The following RPH3AL variants were observed in gnomAD, a reference collection of about 807,000 sequenced individuals.
RPH3AL encodes rabphilin 3A like (without C2 domains), also known as rab effector Noc2.
In RPH3AL, 38 loss-of-function variants were observed where a neutral mutation model predicts 43.1. The observed-to-expected ratio is 0.88, with a 90% CI of 0.68 to 1.15. The LOEUF is 1.15. RPH3AL is among the 50% of genes most tolerant of loss of function. The probability of loss-of-function intolerance (pLI) is 0.00; values close to 1 mark genes in which losing one functional copy is unlikely to be tolerated. For missense variants in RPH3AL, 462 were observed against 423.2 expected, an observed-to-expected ratio of 1.09 and a Z score of -0.81; for synonymous variants, 189 against 176.3, an observed-to-expected ratio of 1.07 and a Z score of -0.57.
chr17:242,715 T>C (rs1178492459), intron 7 of RPH3AL, among the ~76,000 whole-genome samples: 12 of 86,102 alleles, frequency 1.4e-4, no homozygotes, highest in South Asian at 6.1e-4. Context: ...ATTGATTACC[T>C]TCCTCTATTG....
At chr17:317,414 G>C (rs1309761689) in intron 5 of RPH3AL, among the ~76,000 whole-genome samples, 1 of 138,908 alleles carries the variant, frequency 7.2e-6, no homozygotes, top group Non-Finnish European at 1.5e-5. Flanking sequence ...TGTAGTCTCT[G>C]TGCTCCACAC....
At chr17:220,283 G>C (rs1282667785) in intron 7 of RPH3AL, among the ~76,000 whole-genome samples, 1 of 149,952 alleles carries the variant, frequency 6.7e-6, no homozygotes, top group Non-Finnish European at 1.5e-5. Flanking sequence ...CAACAGCTCT[G>C]AGGGCTCCAC....
rs975640511 is a variant in RPH3AL, at chr17:319,537, C to T, written c.234G>A (p.Glu78=). 6.2e-7 allele frequency: 1 copy of T among 1,611,320 alleles called. No individual in the cohort carries two copies. Among genetic ancestry groups the T allele is most frequent in the African/African-American group, 1.3e-5 (1 of 74,920 alleles). ...CATTCCGCCTCATGGTCTCCAGCCG[C>T]TCCACCAGCCGCCTGCAGCACAGGA... The part of the protein sequence containing the change: ...LEQQRIGRLV[E]RLETMRRNVM... Residue 78 remains glutamate, a synonymous_variant, in exon 5 of 10, where the codon GAG becomes GAA. Coordinates refer to ENST00000331302, the MANE Select transcript of RPH3AL (RefSeq NM_006987.4).
intron 5 of RPH3AL, among the ~76,000 whole-genome samples, chr17:315,715 C>CT (rs2044056540): frequency 2.7e-5 from 4 of 147,300 alleles, no homozygotes; most frequent in East Asian, 2.1e-4. Flanking sequence ...AGTCCTTGTG[C>CT]CCCACCTCTA....
intron 5 of RPH3AL, among the ~76,000 whole-genome samples, chr17:293,453 C>A (rs1031484483): frequency 1.3e-5 from 2 of 150,970 alleles, no homozygotes; most frequent in East Asian, 3.9e-4. Flanking sequence ...GAGATGAAGC[C>A]GCCAGGATGG....
At chr17:341,398 G>C (rs1198805719) in intron 1 of RPH3AL, 1 of 152,100 alleles carries the variant, frequency 6.6e-6, no homozygotes, top group African/African-American at 2.4e-5. Flanking sequence ...GAGACCATAC[G>C]ACGGAGAAAG....
intron 7 of RPH3AL, among the ~76,000 whole-genome samples, chr17:243,001 A>AATACCTTCCTCTATTG (rs2041609189): frequency 8.3e-6 from 1 of 119,962 alleles, no homozygotes; most frequent in African/African-American, 3.9e-5. Context: ...TCCTCTATTG[A>AATACCTTCCTCTATTG]ATACCTTCCT....
In RPH3AL at chr17:215,242, G is replaced by A. The variant is rs929191492; in HGVS notation, c.876+412C>T. On this transcript the variant is annotated intron_variant, in intron 9 of 9. Coordinates refer to ENST00000331302, the MANE Select transcript of RPH3AL (RefSeq NM_006987.4). This position sits in a 1 kb window ranked among gnomAD's most constrained non-coding sequence, Gnocchi z 4.1. The stretch of plus-strand genomic sequence containing the variant: ...GATGATCCTGGGCCAACCAGGGCTG[G>A]GCCCAGCAGGTGCAGGGCAGGGTGG... Among the ~76,000 whole-genome samples, 4 of 152,144 alleles carry A rather than the reference G, an allele frequency of 2.6e-5. No homozygotes were observed. Among genetic ancestry groups the A allele is most frequent in the Admixed American group, 6.5e-5 (1 of 15,284 alleles).
At chr17:297,297 A>G (rs1481789157) in intron 5 of RPH3AL, among the ~76,000 whole-genome samples, 1 of 152,224 alleles carries the variant, frequency 6.6e-6, no homozygotes. Flanking sequence ...GTCATAAACC[A>G]GTCAACATAA....
In RPH3AL at chr17:320,383, C is replaced by T. The variant is rs74470975; in HGVS notation, c.222-834G>A. 8.9e-3 allele frequency among the ~76,000 whole-genome samples: 1,349 copies of T among 152,204 alleles called. 15 individuals are homozygous for T. The highest frequency in any genetic ancestry group is 0.017 in the East Asian group (90 of 5,166). ...GGGCAGGGTGGCTCATGCCTGACATCCCAGCCCTTTGTGAGGCTGAGGCAG... is the reference window on the plus strand; with the variant it reads ...GGGCAGGGTGGCTCATGCCTGACATTCCAGCCCTTTGTGAGGCTGAGGCAG... On this transcript the variant is annotated intron_variant, in intron 4 of 9. Coordinates refer to ENST00000331302, the MANE Select transcript of RPH3AL (RefSeq NM_006987.4).
intron 7 of RPH3AL, among the ~76,000 whole-genome samples, chr17:244,411 G>A (rs1555538844): frequency 6.6e-6 from 1 of 151,998 alleles, no homozygotes; most frequent in African/African-American, 2.4e-5. Context: ...GTAGGGAGAG[G>A]GAGAGAGGGA....
intron 2 of RPH3AL, chr17:331,630 C>T: frequency 7.8e-7 from 1 of 1,288,266 alleles, no homozygotes; most frequent in Non-Finnish European, 1.0e-6. Context: ...TTCGATTCTC[C>T]AAACCTCGTC....
In RPH3AL at chr17:213,803, G is replaced by A; in HGVS notation, c.*49C>T. 1.3e-6 allele frequency: 2 copies of A among 1,487,456 alleles called. No individual in the cohort carries two copies. 92.1% of individuals were successfully genotyped at this position (1,487,456 alleles called of 1,614,324 possible). On this transcript the variant is annotated 3_prime_UTR_variant, in exon 10 of 10. Transcript: ENST00000331302. ...ACCGGTCAGGGAGGAGCCGGGCAGG[G>A]TCTGGCAGGAATCCTCCACAGGGAA...
intron 1 of RPH3AL, chr17:341,273 C>T (rs934100316): frequency 2.6e-5 from 4 of 152,126 alleles, no homozygotes; most frequent in Non-Finnish European, 5.9e-5. Flanking sequence ...AACACTCCCT[C>T]AGAGCAGGAT....
intron 5 of RPH3AL, among the ~76,000 whole-genome samples, chr17:300,773 G>A (rs57997616): frequency 2.5e-4 from 27 of 109,856 alleles, no homozygotes; most frequent in African/African-American, 8.2e-4. Context: ...TCTCTCACCC[G>A]CTCTAGCAGG....
intron 5 of RPH3AL, among the ~76,000 whole-genome samples, chr17:313,450 T>C (rs2043700014): frequency 6.6e-6 from 1 of 152,214 alleles, no homozygotes; most frequent in Non-Finnish European, 1.5e-5. Flanking sequence ...GCCCAGCTCG[T>C]TCCTGCCTCA....
rs555810048 is a variant in RPH3AL, at chr17:274,759, C to T, written c.438+7009G>A. Among the ~76,000 whole-genome samples the T allele has an allele frequency of 6.6e-6, 1 of 152,220 alleles. No homozygotes were observed. Among genetic ancestry groups the T allele is most frequent in the African/African-American group, 2.4e-5 (1 of 41,530 alleles). On this transcript the variant is annotated intron_variant, in intron 6 of 9. Coordinates refer to ENST00000331302, the MANE Select transcript of RPH3AL (RefSeq NM_006987.4). This position sits in a 1 kb window ranked among gnomAD's most constrained non-coding sequence, Gnocchi z 4.7. ...CAATCCTGGGTCTGCGGGGCTTAGG[C>T]TGCTGCAGAAGCGGGGAGGGGAAAA...
In RPH3AL at chr17:273,009, G is replaced by C. The variant is rs867744144; in HGVS notation, c.438+8759C>G. 1.4e-4 allele frequency among the ~76,000 whole-genome samples: 17 copies of C among 119,528 alleles called. 1 individual carries two copies. Among genetic ancestry groups the C allele is most frequent in the African/African-American group, 3.9e-4 (14 of 36,294 alleles). The allele number at this position is 119,528 out of a possible 152,430, so 78.4% of individuals were successfully genotyped here. On this transcript the variant is annotated intron_variant, in intron 6 of 9. Coordinates refer to ENST00000331302, the MANE Select transcript of RPH3AL (RefSeq NM_006987.4). ...CTACGTCAGGGTGAGACCCCAGCGAGGGCGACATCAGGAAGAGACCCCAGC... is the reference window on the plus strand; with the variant it reads ...CTACGTCAGGGTGAGACCCCAGCGACGGCGACATCAGGAAGAGACCCCAGC...
intron 2 of RPH3AL, among the ~76,000 whole-genome samples, chr17:330,214 C>A (rs1270092457): frequency 2.0e-5 from 3 of 152,234 alleles, no homozygotes; most frequent in Non-Finnish European, 4.4e-5. Context: ...GGTCGCTCTA[C>A]CCCATGCACA....
Sources: allele counts gnomAD v4.1 joint callset (sites outside exome capture counted in the v4.1 genomes callset), GRCh38; gene constraint gnomAD v4.1.1; non-coding constraint Gnocchi (gnomAD v3.1); transcripts MANE v1.5; gene names NCBI Gene and HGNC (gene_info 2026-07-23, HGNC 2026-07-21).